Variants in USP10 observed in about 807,000 individuals in gnomAD.
USP10 encodes ubiquitin specific peptidase 10, also known as ubiquitin carboxyl-terminal hydrolase 10.
A neutral mutation model predicts 84.5 loss-of-function variants in USP10; 22 were observed. The observed-to-expected ratio is 0.26, with a 90% CI of 0.19 to 0.37. The LOEUF (loss-of-function observed/expected upper bound fraction) is 0.37. USP10 is among the 10% of genes least tolerant of loss of function. The pLI, the probability that USP10 is intolerant of heterozygous loss-of-function variation, is 1.00. For synonymous variants in USP10, 454 were observed against 387.6 expected, an observed-to-expected ratio of 1.17 and a Z score of -2.01; for missense variants, 1,019 against 998.9, an observed-to-expected ratio of 1.02 and a Z score of -0.27.
chr16:84,706,137 C>G (rs1415401717), intron 1 of USP10, among the ~76,000 whole-genome samples: 1 of 152,172 alleles, frequency 6.6e-6, no homozygotes, highest in Non-Finnish European at 1.5e-5. Context: ...TCTGCTTCAG[C>G]TTCCTAAAGT....
intron 1 of USP10, among the ~76,000 whole-genome samples, chr16:84,731,082 C>T (rs895783840): frequency 1.3e-4 from 20 of 148,984 alleles, no homozygotes; most frequent in South Asian, 2.1e-4. Flanking sequence ...CGGGTTCAAG[C>T]GATTCTCCTG....
intron 1 of USP10, among the ~76,000 whole-genome samples, chr16:84,714,004 A>G (rs368348227): frequency 6.6e-6 from 1 of 152,224 alleles, no homozygotes; most frequent in Non-Finnish European, 1.5e-5. Flanking sequence ...AGAGCCTTTT[A>G]GCCTGAAAAG....
At position 84,745,062 on chromosome 16, in the gene USP10, C is replaced by T. The variant is rs753855157; in HGVS notation, c.581C>T (p.Ala194Val). 5.0e-6 allele frequency: 8 copies of T among 1,613,712 alleles called. No individual in the cohort carries two copies. The South Asian group carries it at 6.6e-5, about 13-fold the overall frequency. The stretch of plus-strand genomic sequence containing the variant: ...CCGAACAGTGTCAGTGCAGAGGATG[C>T]AGAATTTATGGGTGACATGCCCCCG... ...AVPNSVSAED[A>V]EFMGDMPPSV... The change falls in exon 4 of 14, where the codon GCA becomes GTA. Residue 194 changes from alanine to valine, a missense_variant. Ala to Val is a moderately conservative substitution (Grantham distance 64, BLOSUM62 0). This residue lies in a region of USP10 where 787 missense variants were observed against 708.8 expected (regional missense o/e 1.11). Coordinates refer to ENST00000219473, the MANE Select transcript of USP10 (RefSeq NM_005153.3).
intron 1 of USP10, among the ~76,000 whole-genome samples, chr16:84,729,207 C>T (rs115742664): frequency 1.5e-3 from 226 of 152,368 alleles, no homozygotes; most frequent in African/African-American, 5.1e-3. Context: ...TCTTAACCTT[C>T]ACATTTGTAT....
At chr16:84,777,921 G>C (rs1013171113) in intron 13 of USP10, among the ~76,000 whole-genome samples, 1 of 152,204 alleles carries the variant, frequency 6.6e-6, no homozygotes, top group Admixed American at 6.5e-5. Flanking sequence ...CCGCCTTCCC[G>C]AGGCTGGTGT....
intron 4 of USP10, 36 bp from the exon 5 acceptor site, chr16:84,758,680 C>T: frequency 7.1e-7 from 1 of 1,412,106 alleles, no homozygotes; most frequent in Non-Finnish European, 1.0e-6. Flanking sequence ...CACTAGATGT[C>T]ATCAATTTCT....
intron 1 of USP10, among the ~76,000 whole-genome samples, chr16:84,731,791 T>C (rs1909274749): frequency 6.6e-6 from 1 of 151,876 alleles, no homozygotes; most frequent in African/African-American, 2.4e-5. Context: ...TTTTTTGTGA[T>C]AGTCTGTGCT....
rs1597420572 is a variant in USP10 at position 84,779,086 on chromosome 16, CTGTGTGCGCTG to C, written c.*14_*24del. 1.2e-6 allele frequency: 2 copies of C among 1,608,354 alleles called. No individual in the cohort carries two copies. The highest frequency in any genetic ancestry group is 2.2e-5 in the East Asian group (1 of 44,712). Reference sequence around the variant, plus strand: ...CCGCCGAGTGGACCTGCTGTAAACCCTGTGTGCGCTGTGTGTGCGCCCAGTGCCCGCTTCGT... The same window carrying C: ...CCGCCGAGTGGACCTGCTGTAAACCCTGTGTGCGCCCAGTGCCCGCTTCGT... On this transcript the variant is annotated 3_prime_UTR_variant, in exon 14 of 14. Transcript: ENST00000219473.
intron 11 of USP10, among the ~76,000 whole-genome samples, chr16:84,771,369 G>T (rs1013591414): frequency 6.6e-6 from 1 of 151,940 alleles, no homozygotes; most frequent in Non-Finnish European, 1.5e-5. Context: ...TGGGCTCATG[G>T]CTGTAGTCCC....
At chr16:84,717,547 CTGTT>C (rs1238398997) in intron 1 of USP10, among the ~76,000 whole-genome samples, 1 of 152,072 alleles carries the variant, frequency 6.6e-6, no homozygotes, top group Non-Finnish European at 1.5e-5. Context: ...TGGTGACAAG[CTGTT>C]TGGTGACTGT....
chr16:84,734,435 G>A (rs1356813194), intron 2 of USP10, among the ~76,000 whole-genome samples: 1 of 152,166 alleles, frequency 6.6e-6, no homozygotes, highest in Non-Finnish European at 1.5e-5. Flanking sequence ...CCTCTGCTGT[G>A]AATTACTTGG....
intron 1 of USP10, chr16:84,704,890 G>A (rs1905275634): frequency 3.3e-6 from 5 of 1,535,670 alleles, no homozygotes; most frequent in Admixed American, 2.0e-5. Context: ...ATGTGGTTTG[G>A]GGCTGTTACA....
chr16:84,750,006 T>A (rs59043454), intron 4 of USP10, among the ~76,000 whole-genome samples: 4,910 of 152,266 alleles, frequency 0.032, 239 homozygotes, highest in African/African-American at 0.11. Flanking sequence ...GGGAAGGATG[T>A]ATCTAAACAC....
At chr16:84,702,993 C>CAA (rs1157728872) in intron 1 of USP10, among the ~76,000 whole-genome samples, 1,135 of 52,070 alleles carry the variant, frequency 0.022, 46 homozygotes, top group African/African-American at 0.044. Flanking sequence ...ACTCCCGTCT[C>CAA]AAAAAAAAAA....
intron 3 of USP10, among the ~76,000 whole-genome samples, chr16:84,741,173 T>A (rs556085662): frequency 6.6e-6 from 1 of 152,242 alleles, no homozygotes; most frequent in East Asian, 1.9e-4. Context: ...TAGGCTTCAA[T>A]AGAAGCCTTG....
intron 4 of USP10, among the ~76,000 whole-genome samples, chr16:84,754,992 A>C (rs1420984935): frequency 6.7e-6 from 1 of 149,148 alleles, no homozygotes; most frequent in Admixed American, 6.7e-5. Flanking sequence ...TGTCCCAGAA[A>C]AAAAAAAAAA....
intron 13 of USP10, among the ~76,000 whole-genome samples, chr16:84,776,314 G>A (rs114494840): frequency 7.7e-5 from 6 of 78,216 alleles, no homozygotes; most frequent in South Asian, 4.1e-4. Context: ...CCTAGCGGTG[G>A]GGGCCCAGGG....
intron 10 of USP10, 56 bp downstream of exon 10, chr16:84,764,319 T>C: frequency 8.1e-6 from 13 of 1,609,530 alleles, no homozygotes; most frequent in Non-Finnish European, 1.1e-5. Flanking sequence ...TTTGCCATGT[T>C]GGTGAAGGGG....
chr16:84,745,495 G>A lies in USP10; in HGVS notation c.1014G>A (p.Gln338=). 6.2e-7 allele frequency: 1 copy of A among 1,613,486 alleles called. No homozygotes were observed. Among genetic ancestry groups the A allele is most frequent in the South Asian group, 1.1e-5 (1 of 91,018 alleles). The change falls in exon 4 of 14, where the codon CAG becomes CAA. Residue 338 remains glutamine, a synonymous_variant. Transcript: ENST00000219473. ...GSASGTLPVS[Q]PKSWASLFHD... is the part of the protein sequence containing the mutation. ...CATCAGGCACCCTTCCTGTCAGCCA[G>A]CCCAAGTCCTGGGCCAGCCTCTTTC...
Sources: gnomAD v4.1 joint callset for allele counts (sites outside exome capture counted in the v4.1 genomes callset) on GRCh38, gnomAD v4.1.1 for gene constraint, gnomAD v4.1.1 regional missense constraint, MANE v1.5 for transcripts, NCBI Gene and HGNC (gene_info 2026-07-23, HGNC 2026-07-21) for gene names.